TENM2: variants seen among roughly 807,000 people sequenced by gnomAD.
TENM2 encodes teneurin-2.
Under a neutral mutation model 245.2 loss-of-function variants are expected in TENM2, and 52 were observed. That is an observed-to-expected ratio of 0.21 (90% confidence interval 0.17 to 0.27). TENM2 has a LOEUF of 0.27. Ranked by LOEUF, TENM2 falls within the 10% of genes least tolerant of loss-of-function variation. The pLI, the probability that TENM2 is intolerant of heterozygous loss-of-function variation, is 1.00. For synonymous variants in TENM2, 1,363 were observed against 1,438.9 expected, an observed-to-expected ratio of 0.95 and a Z score of 1.19; for missense variants, 3,046 against 3,666.8, an observed-to-expected ratio of 0.83 and a Z score of 4.37.
At chr5:168,164,773 A>G (rs1758069434) in intron 13 of TENM2, among the ~76,000 whole-genome samples, 1 of 152,304 alleles carries the variant, frequency 6.6e-6, no homozygotes, top group African/African-American at 2.4e-5. Flanking sequence ...ATCAGAATTC[A>G]CTGGGGGCAG....
the TENM2 span, among the ~76,000 whole-genome samples, chr5:167,040,434 A>G: frequency 6.6e-6 from 1 of 152,074 alleles, no homozygotes; most frequent in Non-Finnish European, 1.5e-5. Context: ...CTGAAATAGT[A>G]AACAGCAATC....
At chr5:167,154,469 C>G in the TENM2 span, among the ~76,000 whole-genome samples, 1 of 152,222 alleles carries the variant, frequency 6.6e-6, no homozygotes, top group East Asian at 1.9e-4. Context: ...CCAGATTTTC[C>G]ATTACTGCAA....
intron 13 of TENM2, among the ~76,000 whole-genome samples, chr5:168,188,189 A>G (rs1760641508): frequency 6.6e-6 from 1 of 152,240 alleles, no homozygotes; most frequent in Non-Finnish European, 1.5e-5. Context: ...ACCAAACGAA[A>G]AGGGTAATGC....
chr5:167,640,859 CCATATAT>C (rs1175129898), intron 2 of TENM2, among the ~76,000 whole-genome samples: 5 of 9,178 alleles, frequency 5.4e-4, no homozygotes, highest in Non-Finnish European at 8.6e-4. Flanking sequence ...ATATATATAT[CCATATAT>C]ATATATATAT....
rs1007712027 is a variant in TENM2 at position 167,975,413 on chromosome 5, A to T, written c.948-17531A>T. On this transcript the variant is annotated intron_variant, in intron 4 of 28. Coordinates refer to ENST00000518659, the Ensembl canonical transcript of TENM2. ...TATATTAAGTGCCATGGCGATATTTATGTGTTGATGCTAAATGATGGTTAC... is the reference window on the plus strand; with the variant it reads ...TATATTAAGTGCCATGGCGATATTTTTGTGTTGATGCTAAATGATGGTTAC... 2.0e-5 allele frequency among the ~76,000 whole-genome samples: 3 copies of T among 151,012 alleles called. No homozygotes were observed. The South Asian group carries it at 6.3e-4, about 32-fold the overall frequency.
At chr5:166,982,709 A>C in the TENM2 span, among the ~76,000 whole-genome samples, 2 of 151,064 alleles carry the variant, frequency 1.3e-5, no homozygotes, top group African/African-American at 2.4e-5. Flanking sequence ...ACAAGGAGAA[A>C]CCCCCCATTC....
intron 5 of TENM2, among the ~76,000 whole-genome samples, chr5:168,039,874 GCAGCAGCGGGTTC>G (rs1422683201): frequency 6.6e-6 from 1 of 151,988 alleles, no homozygotes; most frequent in Non-Finnish European, 1.5e-5. Flanking sequence ...CAGTGCACCT[GCAGCAGCGGGTTC>G]CAGGAGACAA....
At chr5:168,062,310 C>A in intron 7 of TENM2, 45 bp downstream of exon 9, 2 of 1,496,528 alleles carry the variant, frequency 1.3e-6, no homozygotes, top group Non-Finnish European at 1.9e-6. Flanking sequence ...AAAATATATA[C>A]GTATATATGT....
chr5:167,805,702 T>A (rs1352200630), intron 2 of TENM2, among the ~76,000 whole-genome samples: 2 of 152,164 alleles, frequency 1.3e-5, no homozygotes, highest in African/African-American at 4.8e-5. Flanking sequence ...TGGCTATGAA[T>A]TCCCTTGAAG....
At chr5:167,294,114 T>C (rs1441109464) in intron 1 of TENM2, 1 of 152,044 alleles carries the variant, frequency 6.6e-6, no homozygotes, top group Non-Finnish European at 1.5e-5. Flanking sequence ...GTAAGCAGGC[T>C]AAGCAAAAAA....
At chr5:167,949,440 C>A (rs1172812418) in intron 3 of TENM2, among the ~76,000 whole-genome samples, 2 of 152,200 alleles carry the variant, frequency 1.3e-5, no homozygotes, top group African/African-American at 4.8e-5. Flanking sequence ...CTACTCAAAT[C>A]TGGGGTCCCT....
chr5:168,221,455 A>T (rs1763664037), intron 23 of TENM2, among the ~76,000 whole-genome samples: 1 of 152,192 alleles, frequency 6.6e-6, no homozygotes, highest in Non-Finnish European at 1.5e-5. Context: ...CGTTCTTTGC[A>T]TTGCACACTA....
chr5:167,486,166 G>A (rs558686008), intron 2 of TENM2, among the ~76,000 whole-genome samples: 35 of 152,138 alleles, frequency 2.3e-4, no homozygotes, highest in African/African-American at 8.2e-4. Context: ...TTTACTCAAA[G>A]ATTGAATAAA....
chr5:167,374,125 A>C (rs753100257), intron 1 of TENM2, among the ~76,000 whole-genome samples: 3 of 152,212 alleles, frequency 2.0e-5, no homozygotes, highest in Non-Finnish European at 4.4e-5. Flanking sequence ...TTACATATAC[A>C]TACCTAACAT....
intron 2 of TENM2, among the ~76,000 whole-genome samples, chr5:167,815,671 A>G (rs143028562): frequency 6.6e-6 from 1 of 152,274 alleles, no homozygotes; most frequent in African/African-American, 2.4e-5. Flanking sequence ...GCCCACAGTG[A>G]CTGTCCTCCC....
the TENM2 span, among the ~76,000 whole-genome samples, chr5:167,079,952 G>T: frequency 6.6e-6 from 1 of 152,172 alleles, no homozygotes; most frequent in Non-Finnish European, 1.5e-5. Flanking sequence ...CTACAACCAT[G>T]TCTTAAAGTA....
In TENM2 at chr5:168,167,841, A is replaced by G. The variant is rs551781834; in HGVS notation, c.2569+5084A>G. ...CTGTAAAATAGGCATGGCAATGCCA[A>G]TGTCACTAGCTGGTGTGAAGTTTAA... On this transcript the variant is annotated intron_variant, in intron 13 of 28. Transcript: ENST00000518659. Among the ~76,000 whole-genome samples, 8 of 152,346 alleles carry G rather than the reference A, an allele frequency of 5.3e-5. No individual in the cohort carries two copies. The South Asian group carries it at 6.2e-4, about 12-fold the overall frequency.
chr5:167,620,422 C>A (rs1242271681), intron 2 of TENM2, among the ~76,000 whole-genome samples: 1 of 152,028 alleles, frequency 6.6e-6, no homozygotes, highest in East Asian at 1.9e-4. Context: ...CTCTTAAAGA[C>A]TGTTCTTGGC....
At chr5:167,615,728 CAG>C (rs1157380101) in intron 2 of TENM2, among the ~76,000 whole-genome samples, 6 of 151,904 alleles carry the variant, frequency 3.9e-5, no homozygotes, top group Non-Finnish European at 8.8e-5. Context: ...CATTTTGCTC[CAG>C]AGTCACTCAT....
Sources: gnomAD v4.1 joint callset for allele counts (sites outside exome capture counted in the v4.1 genomes callset) on GRCh38, gnomAD v4.1.1 for gene constraint, MANE v1.5 for transcripts, NCBI Gene and HGNC (gene_info 2026-07-23, HGNC 2026-07-21) for gene names.